Variants in SEPTIN8 observed in about 807,000 individuals in gnomAD.
The protein encoded by SEPTIN8 is septin 8, also known as septin-8.
In SEPTIN8, 22 loss-of-function variants were observed where a neutral mutation model predicts 53.1. The observed-to-expected ratio is 0.41, with a 90% CI of 0.30 to 0.59. SEPTIN8 has a LOEUF of 0.59. SEPTIN8 is among the 20% of genes least tolerant of loss of function. SEPTIN8 has a pLI of 0.24. For synonymous variants in SEPTIN8, 228 were observed against 248.4 expected (o/e 0.92, Z 0.77); for missense variants, 536 against 638.7 (o/e 0.84, Z 1.73).
chr5:132,776,064 A>G lies in SEPTIN8; in HGVS notation c.30+1044T>C, dbSNP rs1561778326. ...TGACGGTATTTATAGCATTAATTAC[A>G]TAAGTCCTGGCTCCCTTATTTAGCC... is the stretch of plus-strand genomic sequence containing the variant. On this transcript the variant is annotated intron_variant, in intron 1 of 9. Coordinates refer to ENST00000378719, the MANE Select transcript of SEPTIN8 (RefSeq NM_001098811.2). This position sits in a 1 kb window ranked among gnomAD's most constrained non-coding sequence, Gnocchi z 4.4. 6.6e-6 allele frequency: 1 copy of G among 152,494 alleles called. No individual in the cohort carries two copies. Among genetic ancestry groups the G allele is most frequent in the Non-Finnish European group, 1.5e-5 (1 of 68,224 alleles). 9.4% of individuals were successfully genotyped at this position (152,494 alleles called of 1,614,324 possible).
chr5:132,754,439 G>A, intron 9 of SEPTIN8: 1 of 717,494 alleles, frequency 1.4e-6, no homozygotes. Context: ...AGGCTTTAGG[G>A]GAACTGCTGG....
At position 132,761,041 on chromosome 5, in the gene SEPTIN8, G is replaced by C. The variant is rs1476562701; in HGVS notation, c.1096-49C>G. 6.3e-7 allele frequency: 1 copy of C among 1,596,000 alleles called. No homozygotes were observed. The highest frequency in any genetic ancestry group is 8.5e-7 in the Non-Finnish European group (1 of 1,170,234). Reference sequence around the variant, plus strand: ...GATGCGGGGAGCAAGAGGAGGGCTTGAGCCTGGGCCAGGAAGGCACCCCCA... The same window carrying C: ...GATGCGGGGAGCAAGAGGAGGGCTTCAGCCTGGGCCAGGAAGGCACCCCCA... On this transcript the variant is annotated intron_variant, in intron 8 of 9. Coordinates refer to ENST00000378719, the MANE Select transcript of SEPTIN8 (RefSeq NM_001098811.2). The surrounding 1 kb of genome is among the most constrained non-coding windows in gnomAD (Gnocchi z 5.8).
At chr5:132,777,958 T>C, upstream of SEPTIN8, 2 of 985,498 alleles carry the variant, frequency 2.0e-6, no homozygotes, top group Non-Finnish European at 2.4e-6. This position sits in a 1 kb window ranked among gnomAD's most constrained non-coding sequence, Gnocchi z 4.1. Context: ...TCACCCTGCC[T>C]GTCCCAAGGG....
chr5:132,775,405 C>T (rs562187032), intron 1 of SEPTIN8, among the ~76,000 whole-genome samples: 26 of 152,304 alleles, frequency 1.7e-4, no homozygotes, highest in African/African-American at 6.0e-4. Context: ...TTATTGTGTC[C>T]TTACCATGTG....
chr5:132,769,509 C>A (rs186113694), intron 1 of SEPTIN8, among the ~76,000 whole-genome samples: 8 of 152,240 alleles, frequency 5.3e-5, no homozygotes, highest in African/African-American at 1.9e-4. Context: ...GGGAGCAGCA[C>A]CTTAATAACA....
rs30529 is a variant in SEPTIN8 at position 132,773,793 on chromosome 5, A to G, written c.30+3315T>C. 54,477 of 152,466 alleles carry G rather than the reference A, an allele frequency of 0.36. 16,334 individuals carry two copies. The highest frequency in any genetic ancestry group is 0.79 in the African/African-American group (32,657 of 41,486). 9.4% of individuals were successfully genotyped at this position (152,466 alleles called of 1,614,324 possible). Reference sequence around the variant, plus strand: ...CAGTCTTTTAGCATGTGCTCCCTGGAATGACCAATGCTTTCCATCAGCCCC... The same window carrying G: ...CAGTCTTTTAGCATGTGCTCCCTGGGATGACCAATGCTTTCCATCAGCCCC... On this transcript the variant is annotated intron_variant, in intron 1 of 9. Coordinates refer to ENST00000378719, the MANE Select transcript of SEPTIN8 (RefSeq NM_001098811.2). This position sits in a 1 kb window ranked among gnomAD's most constrained non-coding sequence, Gnocchi z 4.2.
intron 9 of SEPTIN8, chr5:132,756,505 G>A (rs1755354498): frequency 1.0e-6 from 1 of 985,408 alleles, no homozygotes; most frequent in Non-Finnish European, 1.2e-6. Flanking sequence ...AAAAAGAGGG[G>A]TAAATGAGAC....
At chr5:132,757,793 G>A in intron 9 of SEPTIN8, 4 of 985,424 alleles carry the variant, frequency 4.1e-6, no homozygotes, top group Non-Finnish European at 4.8e-6. Context: ...TTAGAGTGCA[G>A]CTGAAGGGGA....
chr5:132,771,770 G>A (rs1275144700), intron 1 of SEPTIN8, among the ~76,000 whole-genome samples: 1 of 151,682 alleles, frequency 6.6e-6, no homozygotes, highest in Non-Finnish European at 1.5e-5. Context: ...AGCCTGAGAG[G>A]AATCCTAGGA....
At chr5:132,754,662 A>T (rs934739078) in intron 9 of SEPTIN8, 12 of 604,014 alleles carry the variant, frequency 2.0e-5, no homozygotes, top group Middle Eastern at 3.8e-4. Flanking sequence ...GTGGATTTTT[A>T]AAAATCTTAT....
At chr5:132,758,666 G>C in intron 9 of SEPTIN8, 1 of 1,593,258 alleles carries the variant, frequency 6.3e-7, no homozygotes, top group African/African-American at 1.3e-5. Context: ...GCCAGGGTCG[G>C]TGGGAGGAAA....
chr5:132,770,002 T>C (rs1281743808), intron 1 of SEPTIN8, among the ~76,000 whole-genome samples: 5 of 48,494 alleles, frequency 1.0e-4, no homozygotes, highest in African/African-American at 4.4e-4. Flanking sequence ...TATATATATA[T>C]ATATATATAT....
Position 132,777,072 on chromosome 5 carries a change from C to T in SEPTIN8, c.30+36G>A. On this transcript the variant is annotated intron_variant, in intron 1 of 9. Transcript: ENST00000378719. This position sits in a 1 kb window ranked among gnomAD's most constrained non-coding sequence, Gnocchi z 4.1. ...AGGGCGGCCCCTCCTGCGCCCCGCG[C>T]CTCCCGCGCGCGCCGTGGCCCAGCG... 5 of 1,150,828 alleles carry T rather than the reference C, an allele frequency of 4.3e-6. No homozygotes were observed. Among genetic ancestry groups the T allele is most frequent in the Non-Finnish European group, 5.4e-6 (5 of 933,776 alleles). 71.3% of individuals were successfully genotyped at this position (1,150,828 alleles called of 1,614,324 possible). A position where few individuals can be genotyped will look rare whatever the true frequency, so the allele number is the denominator to read the frequency against.
chr5:132,761,363 G>A lies in SEPTIN8; in HGVS notation c.962+95C>T, dbSNP rs548183958. On this transcript the variant is annotated intron_variant, in intron 7 of 9. Transcript: ENST00000378719. The surrounding 1 kb of genome is among the most constrained non-coding windows in gnomAD (Gnocchi z 5.8). ...GAAGTAGAATCATGTGGGCACGAGG[G>A]GTAAGAGGATGTGGGGTCCCTCAGG... 1 of 1,590,290 alleles carries A rather than the reference G, an allele frequency of 6.3e-7. No individual in the cohort carries two copies. The highest frequency in any genetic ancestry group is 1.3e-5 in the African/African-American group (1 of 74,670).
rs76954025 is a variant in SEPTIN8, at chr5:132,769,975, A to C, written c.31-4446T>G. ...AAAGAGAACCCAAAAATCTCTCTCT[A>C]TATATACATATATATATATATATAT... is the stretch of plus-strand genomic sequence containing the variant. On this transcript the variant is annotated intron_variant, in intron 1 of 9. Coordinates refer to ENST00000378719, the MANE Select transcript of SEPTIN8 (RefSeq NM_001098811.2). Among the ~76,000 whole-genome samples, 418 of 70,208 alleles carry C rather than the reference A, an allele frequency of 6.0e-3. 5 individuals are homozygous for C. Among genetic ancestry groups the C allele is most frequent in the African/African-American group, 0.02 (364 of 18,278 alleles). The allele number at this position is 70,208 out of a possible 152,430, so 46.1% of individuals were successfully genotyped here.
At chr5:132,759,333 G>A (rs1755659360) in intron 9 of SEPTIN8, among the ~76,000 whole-genome samples, 1 of 152,102 alleles carries the variant, frequency 6.6e-6, no homozygotes, top group East Asian at 1.9e-4. Flanking sequence ...GTATCATGGA[G>A]CCCAGGCCAC....
chr5:132,770,381 T>C lies in SEPTIN8; in HGVS notation c.31-4852A>G, dbSNP rs757071102. Among the ~76,000 whole-genome samples, 72 of 151,942 alleles carry C rather than the reference T, an allele frequency of 4.7e-4. 1 individual carries two copies. Among genetic ancestry groups the C allele is most frequent in the Middle Eastern group, 3.4e-3 (1 of 294 alleles). ...TTTTAGTAGAGACGGGGTTTCACTA[T>C]GTTGGCCAGGTCGGTCTTGAACTCC... is the stretch of plus-strand genomic sequence containing the variant. On this transcript the variant is annotated intron_variant, in intron 1 of 9. Transcript: ENST00000378719.
upstream of SEPTIN8, among the ~76,000 whole-genome samples, chr5:132,779,203 G>A (rs185373993): frequency 3.0e-4 from 45 of 152,324 alleles, no homozygotes; most frequent in African/African-American, 8.9e-4. Flanking sequence ...TTATAAAAGA[G>A]TGAGAATTAT....
chr5:132,760,397 C>T lies in SEPTIN8; in HGVS notation c.1286+405G>A, dbSNP rs894701941. Among the ~76,000 whole-genome samples the T allele has an allele frequency of 3.9e-5, 6 of 152,166 alleles. No individual in the cohort carries two copies. The highest frequency in any genetic ancestry group is 7.3e-5 in the Non-Finnish European group (5 of 68,048). ...CAGCTTCGCCCTCTCCACGCTGCTC[C>T]TCACCCGTGCAGCCCCACCTTCACC... On this transcript the variant is annotated intron_variant, in intron 9 of 9. Coordinates refer to ENST00000378719, the MANE Select transcript of SEPTIN8 (RefSeq NM_001098811.2). This position sits in a 1 kb window ranked among gnomAD's most constrained non-coding sequence, Gnocchi z 5.2.
Sources: allele counts gnomAD v4.1 joint callset (sites outside exome capture counted in the v4.1 genomes callset), GRCh38; gene constraint gnomAD v4.1.1; non-coding constraint Gnocchi (gnomAD v3.1); transcripts MANE v1.5; gene names NCBI Gene and HGNC (gene_info 2026-07-23, HGNC 2026-07-21).